Variants in WSCD1 observed in about 807,000 individuals in gnomAD.
WSCD1 encodes sialate:O-sulfotransferase 1.
WSCD1 carries 41 observed loss-of-function variants against 60.4 expected under a neutral mutation model. The ratio of observed to expected loss-of-function variants is 0.68; its 90% confidence interval spans 0.53 to 0.88. WSCD1 has a LOEUF of 0.88. Ranked by LOEUF, WSCD1 falls within the 40% of genes least tolerant of loss-of-function variation. WSCD1 has a pLI of 0.00. For missense variants in WSCD1, 784 were observed against 796.2 expected, an observed-to-expected ratio of 0.98 and a Z score of 0.18; for synonymous variants, 361 against 332.5, an observed-to-expected ratio of 1.09 and a Z score of -0.93.
intron 7 of WSCD1, among the ~76,000 whole-genome samples, chr17:6,111,146 G>A (rs41314079): frequency 1.6e-4 from 24 of 152,152 alleles, no homozygotes; most frequent in East Asian, 1.5e-3. Context: ...ACAAAGTTAC[G>A]CCATTGTATC....
intron 7 of WSCD1, 57 bp from the exon 8 acceptor site, chr17:6,117,931 G>T: frequency 6.4e-7 from 1 of 1,568,068 alleles, no homozygotes; most frequent in Non-Finnish European, 8.8e-7. Flanking sequence ...CTGCTGCTAT[G>T]GTAGGGTGCC....
chr17:6,090,506 G>T lies in WSCD1; in HGVS notation c.727+1G>T, dbSNP rs200707947. ...GAGCTGCAGCCGGGCTCCAGGAAGC[G>T]TGAGTGTGCCAGCCTCTTCCTGAGC... On this transcript the variant is annotated splice_donor_variant, in intron 4 of 8. Coordinates refer to ENST00000317744, the MANE Select transcript of WSCD1 (RefSeq NM_015253.2). LOFTEE classifies it high-confidence loss of function. 6.2e-7 allele frequency: 1 copy of T among 1,612,148 alleles called. No individual in the cohort carries two copies. The highest frequency in any genetic ancestry group is 1.3e-5 in the African/African-American group (1 of 74,814).
intron 1 of WSCD1, among the ~76,000 whole-genome samples, chr17:6,073,043 A>G (rs1291915873): frequency 6.6e-6 from 1 of 152,150 alleles, no homozygotes; most frequent in Non-Finnish European, 1.5e-5. Context: ...GCTCCCTTCT[A>G]GAGAGTGGCT....
In WSCD1 at chr17:6,080,963, T is replaced by TCCGGAG; in HGVS notation, c.309_314dup (p.Ser104_Arg105dup). On this transcript the variant is annotated inframe_insertion, in exon 2 of 9. Transcript: ENST00000317744. The surrounding 1 kb of genome is among the most constrained non-coding windows in gnomAD (Gnocchi z 6.6). Reference sequence around the variant, plus strand: ...CGGCCCCGGCCCGGCCCCCGCTGGCTCCGGAGCCGCAACTCGGAGCTGCGT... The same window carrying TCCGGAG: ...CGGCCCCGGCCCGGCCCCCGCTGGCTCCGGAGCCGGAGCCGCAACTCGGAGCTGCGT... 1 of 1,555,650 alleles carries TCCGGAG rather than the reference T, an allele frequency of 6.4e-7. No individual in the cohort carries two copies. The highest frequency in any genetic ancestry group is 1.2e-5 in the South Asian group (1 of 84,990).
At chr17:6,087,127 C>T (rs150377183) in intron 2 of WSCD1, among the ~76,000 whole-genome samples, 17 of 152,188 alleles carry the variant, frequency 1.1e-4, no homozygotes, top group African/African-American at 3.6e-4. Context: ...ATTCCCATGC[C>T]GCTCCTTCAA....
Position 6,120,942 on chromosome 17 carries a change from A to C in WSCD1, c.*281A>C, listed in dbSNP as rs2150574744. 2.1e-6 allele frequency: 1 copy of C among 465,802 alleles called. No individual in the cohort carries two copies. Among genetic ancestry groups the C allele is most frequent in the East Asian group, 3.7e-5 (1 of 26,918 alleles). 28.9% of individuals were successfully genotyped at this position (465,802 alleles called of 1,614,324 possible). A position where few individuals can be genotyped will look rare whatever the true frequency, so the allele number is the denominator to read the frequency against. ...CCGTCTTGATGCAGAGAAGCCACCC[A>C]CGTGGGGTGTGCCAGGCACCCCCAG... On this transcript the variant is annotated 3_prime_UTR_variant, in exon 9 of 9. Transcript: ENST00000317744.
At chr17:6,111,639 T>G (rs1261964436) in intron 7 of WSCD1, among the ~76,000 whole-genome samples, 2 of 146,924 alleles carry the variant, frequency 1.4e-5, no homozygotes, top group African/African-American at 5.1e-5. Flanking sequence ...AGGCAGAGGT[T>G]GCAGTGAGTC....
Position 6,080,601 on chromosome 17 carries a change from C to T in WSCD1, c.-58C>T, listed in dbSNP as rs1909166960. 6.3e-7 allele frequency: 1 copy of T among 1,586,194 alleles called. No individual in the cohort carries two copies. Among genetic ancestry groups the T allele is most frequent in the South Asian group, 1.1e-5 (1 of 89,050 alleles). ...CCTCCGGAGGCCCTGGCCTCACTCCCACCTGGGCGCTAGGAGCCATCCCGG... is the reference window on the plus strand; with the variant it reads ...CCTCCGGAGGCCCTGGCCTCACTCCTACCTGGGCGCTAGGAGCCATCCCGG... On this transcript the variant is annotated 5_prime_UTR_variant, in exon 2 of 9. Transcript: ENST00000317744. The surrounding 1 kb of genome is among the most constrained non-coding windows in gnomAD (Gnocchi z 6.6).
chr17:6,076,672 C>G (rs530298444), intron 1 of WSCD1, among the ~76,000 whole-genome samples: 1 of 152,208 alleles, frequency 6.6e-6, no homozygotes, highest in Non-Finnish European at 1.5e-5. Flanking sequence ...ATGCTTTGCT[C>G]GAGGTAGGTT....
rs768932778 is a variant in WSCD1 at position 6,120,505 on chromosome 17, G to A, written c.1572G>A (p.Lys524=). The A allele has an allele frequency of 4.3e-6, 7 of 1,613,916 alleles. No homozygotes were observed. The Admixed American group carries it at 1.2e-4, about 27-fold the overall frequency. ...GGCTGCTCTGCGTGGAGAACAACAA[G>A]GAGGGCAGCTTCCGGCGGCGCGGCC... ...EERLLCVENN[K]EGSFRRRGRR... The change falls in exon 9 of 9, where the codon AAG becomes AAA. Residue 524 remains lysine (K), a synonymous_variant. Transcript: ENST00000317744.
In WSCD1 at chr17:6,120,736, T is replaced by G. The variant is rs1904641605; in HGVS notation, c.*75T>G. On this transcript the variant is annotated 3_prime_UTR_variant, in exon 9 of 9. Coordinates refer to ENST00000317744, the MANE Select transcript of WSCD1 (RefSeq NM_015253.2). Reference sequence around the variant, plus strand: ...GGGGCTGCGCTCCCCACTCTGATGCTCAGGCCCGTGGCCTCACTGGGACGA... The same window carrying G: ...GGGGCTGCGCTCCCCACTCTGATGCGCAGGCCCGTGGCCTCACTGGGACGA... The G allele has an allele frequency of 2.0e-6, 3 of 1,484,040 alleles. No homozygotes were observed. The highest frequency in any genetic ancestry group is 2.7e-6 in the Non-Finnish European group (3 of 1,099,722). 91.9% of individuals were successfully genotyped at this position (1,484,040 alleles called of 1,614,324 possible).
At chr17:6,112,556 T>G (rs1190562625) in intron 7 of WSCD1, among the ~76,000 whole-genome samples, 2 of 152,154 alleles carry the variant, frequency 1.3e-5, no homozygotes, top group African/African-American at 4.8e-5. Context: ...TAGAAATGCC[T>G]AAAGGCTTCA....
At chr17:6,076,849 T>C (rs1228780943) in intron 1 of WSCD1, among the ~76,000 whole-genome samples, 4 of 152,098 alleles carry the variant, frequency 2.6e-5, no homozygotes, top group African/African-American at 4.8e-5. Context: ...CTTGTGTAGA[T>C]GCTCCAAGTT....
intron 1 of WSCD1, among the ~76,000 whole-genome samples, chr17:6,071,776 G>T (rs571893743): frequency 2.6e-5 from 4 of 152,322 alleles, no homozygotes; most frequent in Admixed American, 6.5e-5. Context: ...GGTGGCTGCA[G>T]GTGCTGGGGA....
intron 5 of WSCD1, among the ~76,000 whole-genome samples, chr17:6,097,923 G>A (rs1413952074): frequency 6.6e-6 from 1 of 150,844 alleles, no homozygotes; most frequent in Non-Finnish European, 1.5e-5. Flanking sequence ...CTCCCTTTGT[G>A]TACCTCATTA....
intron 7 of WSCD1, among the ~76,000 whole-genome samples, chr17:6,111,318 C>A (rs1051084101): frequency 6.6e-6 from 1 of 152,260 alleles, no homozygotes; most frequent in Admixed American, 6.5e-5. Flanking sequence ...TAGAAAAAGT[C>A]TTTTCCTATG....
rs981739346 is a variant in WSCD1 at position 6,101,158 on chromosome 17, G to T, written c.849+5935G>T. On this transcript the variant is annotated intron_variant, in intron 5 of 8. Transcript: ENST00000317744. The surrounding 1 kb of genome is among the most constrained non-coding windows in gnomAD (Gnocchi z 4.1). ...TGGAAAGGCCAGTGGTGTGGAGGCT[G>T]CCTGGCAGTCCCGGTGGCAGCTTTA... Among the ~76,000 whole-genome samples the T allele has an allele frequency of 6.6e-6, 1 of 152,192 alleles. No homozygotes were observed. Among genetic ancestry groups the T allele is most frequent in the Non-Finnish European group, 1.5e-5 (1 of 68,028 alleles).
chr17:6,082,420 C>T lies in WSCD1; in HGVS notation c.427+1335C>T, dbSNP rs924294004. ...AGCAGAATACACATCTCAAAGGACCCGCTGGAAGTGGCAGGCCTGGGAGAC... is the reference window on the plus strand; with the variant it reads ...AGCAGAATACACATCTCAAAGGACCTGCTGGAAGTGGCAGGCCTGGGAGAC... On this transcript the variant is annotated intron_variant, in intron 2 of 8. Transcript: ENST00000317744. Among the ~76,000 whole-genome samples the T allele has an allele frequency of 5.9e-5, 9 of 152,296 alleles. No individual in the cohort carries two copies. The East Asian group carries it at 7.7e-4, about 13-fold the overall frequency.
chr17:6,090,253 T>C (rs1210610258), intron 3 of WSCD1, 68 bp from the exon 4 acceptor site: 1 of 1,417,112 alleles, frequency 7.1e-7, no homozygotes, highest in East Asian at 2.6e-5. Context: ...GCTGAAACAG[T>C]CTGCAGTTTA....
Sources: gnomAD v4.1 joint callset for allele counts (sites outside exome capture counted in the v4.1 genomes callset) on GRCh38, gnomAD v4.1.1 for gene constraint, Gnocchi (gnomAD v3.1) non-coding constraint, MANE v1.5 for transcripts, NCBI Gene and HGNC (gene_info 2026-07-23, HGNC 2026-07-21) for gene names.